ANKRD30B: variants seen among roughly 807,000 people sequenced by gnomAD.
ANKRD30B encodes the protein ankyrin repeat domain-containing protein 30B.
Under a neutral mutation model 202.2 loss-of-function variants are expected in ANKRD30B, and 144 were observed. The ratio of observed to expected loss-of-function variants is 0.71; its 90% CI spans 0.62 to 0.82. ANKRD30B has a LOEUF of 0.82. Ranked by LOEUF, ANKRD30B falls within the 40% of genes least tolerant of loss-of-function variation. ANKRD30B has a pLI of 0.00. For missense variants in ANKRD30B, 1,487 were observed against 1,669.1 expected (o/e 0.89, Z 1.90); for synonymous variants, 508 against 561.3 (o/e 0.91, Z 1.34).
rs564153421 is a variant in ANKRD30B at position 14,835,945 on chromosome 18, A to C, written c.2848-1266A>C. Among the ~76,000 whole-genome samples the C allele has an allele frequency of 2.9e-3, 440 of 152,076 alleles. 4 individuals are homozygous for C. Among genetic ancestry groups the C allele is most frequent in the Non-Finnish European group, 3.2e-3 (219 of 67,926 alleles). ...AATTCAAAGATGCATATTGCAAAAA[A>C]TATTTCAGAAATAAATATTTACCTA... On this transcript the variant is annotated intron_variant, in intron 34 of 43. Coordinates refer to ENST00000690538, the MANE Select transcript of ANKRD30B (RefSeq NM_001367607.2).
intron 39 of ANKRD30B, among the ~76,000 whole-genome samples, chr18:14,847,019 A>G (rs1971665268): frequency 7.0e-6 from 1 of 142,424 alleles, no homozygotes; most frequent in African/African-American, 2.6e-5. Context: ...TGCTTCCTTC[A>G]GACTAGTTTA....
chr18:14,907,660 T>C, the ANKRD30B span, among the ~76,000 whole-genome samples: 2 of 152,206 alleles, frequency 1.3e-5, no homozygotes, highest in Admixed American at 1.3e-4. Flanking sequence ...GCTGTCTGAT[T>C]GATGGATCAG....
At chr18:14,926,085 A>G in the ANKRD30B span, among the ~76,000 whole-genome samples, 1 of 152,226 alleles carries the variant, frequency 6.6e-6, no homozygotes, top group African/African-American at 2.4e-5. Context: ...CATGCCTACC[A>G]GCGGCAGAGT....
chr18:14,874,792 G>A, the ANKRD30B span, among the ~76,000 whole-genome samples: 2 of 152,166 alleles, frequency 1.3e-5, no homozygotes, highest in African/African-American at 2.4e-5. Flanking sequence ...TACAAGGAGG[G>A]GAGTGACTTG....
At chr18:14,765,261 G>T (rs181752119) in intron 7 of ANKRD30B, among the ~76,000 whole-genome samples, 1 of 152,002 alleles carries the variant, frequency 6.6e-6, no homozygotes, top group African/African-American at 2.4e-5. Context: ...GAGTTCGTTC[G>T]AGAACAGCTT....
chr18:14,875,611 G>C, the ANKRD30B span, among the ~76,000 whole-genome samples: 1 of 152,162 alleles, frequency 6.6e-6, no homozygotes, highest in Non-Finnish European at 1.5e-5. Context: ...TCCACAGTTG[G>C]TGGCTTCTAC....
chr18:14,931,230 G>C, the ANKRD30B span, among the ~76,000 whole-genome samples: 2 of 152,198 alleles, frequency 1.3e-5, no homozygotes, highest in Admixed American at 1.3e-4. Flanking sequence ...AGAGACTTTA[G>C]AGGCTCTTTA....
At chr18:14,930,106 A>G in the ANKRD30B span, among the ~76,000 whole-genome samples, 149 of 152,288 alleles carry the variant, frequency 9.8e-4, no homozygotes, top group Middle Eastern at 3.4e-3. Context: ...AGGGTGGCAT[A>G]TGCAGGTGTG....
At chr18:14,838,839 A>G (rs1191894692) in intron 36 of ANKRD30B, among the ~76,000 whole-genome samples, 2 of 152,262 alleles carry the variant, frequency 1.3e-5, no homozygotes, top group Admixed American at 6.5e-5. Flanking sequence ...TGATGAAATA[A>G]TGTTGTAACA....
At chr18:14,765,568 G>C (rs1915992100) in intron 7 of ANKRD30B, among the ~76,000 whole-genome samples, 1 of 152,212 alleles carries the variant, frequency 6.6e-6, no homozygotes, top group African/African-American at 2.4e-5. Context: ...CATAGATAAT[G>C]TGTGAGCAAA....
At chr18:14,880,379 A>T in the ANKRD30B span, among the ~76,000 whole-genome samples, 2 of 152,048 alleles carry the variant, frequency 1.3e-5, no homozygotes, top group Non-Finnish European at 2.9e-5. Flanking sequence ...TTTTGGTTCC[A>T]TATTAATTTT....
At chr18:14,823,620 G>T (rs991114816) in intron 32 of ANKRD30B, among the ~76,000 whole-genome samples, 25 of 152,008 alleles carry the variant, frequency 1.6e-4, no homozygotes, top group African/African-American at 5.6e-4. Context: ...GTAATTAATT[G>T]CCTAGAGGTA....
chr18:14,787,538 G>A (rs185024694), intron 15 of ANKRD30B, among the ~76,000 whole-genome samples: 28 of 152,248 alleles, frequency 1.8e-4, no homozygotes, highest in African/African-American at 6.3e-4. Flanking sequence ...TAGTGCCTGG[G>A]ACTTGAACGT....
chr18:14,793,792 G>T (rs1483793492), intron 16 of ANKRD30B, among the ~76,000 whole-genome samples: 1 of 151,806 alleles, frequency 6.6e-6, no homozygotes, highest in Non-Finnish European at 1.5e-5. Flanking sequence ...CACTCAGGAG[G>T]TTGAGGCAGG....
At chr18:14,858,975 C>A (rs1306756061), downstream of ANKRD30B, among the ~76,000 whole-genome samples, 2 of 93,864 alleles carry the variant, frequency 2.1e-5, no homozygotes, top group Non-Finnish European at 4.4e-5. Context: ...GAACTCCTCA[C>A]CTCCCAGATG....
In ANKRD30B at chr18:14,852,166, G is replaced by A. The variant is rs554162744; in HGVS notation, c.4222G>A (p.Val1408Met). 44 of 1,594,344 alleles carry A rather than the reference G, an allele frequency of 2.8e-5. No individual in the cohort carries two copies. In the South Asian group the frequency reaches 4.6e-4, roughly 17 times the overall value. ...EHMYQNEQDN[V>M]DKHTEQQESL... The stretch of plus-strand genomic sequence containing the variant: ...CATGTATCAAAATGAACAAGATAAT[G>A]TGGACAAACACACTGAACAGCAGGA... Residue 1408 changes from valine to methionine, a missense_variant, in exon 42 of 44, where the codon GTG (valine) becomes ATG (methionine). Val to Met is a conservative substitution (Grantham distance 21, BLOSUM62 1). Transcript: ENST00000690538.
At chr18:14,790,049 A>G (rs1008638349) in intron 15 of ANKRD30B, among the ~76,000 whole-genome samples, 7 of 151,974 alleles carry the variant, frequency 4.6e-5, no homozygotes, top group Non-Finnish European at 8.8e-5. Flanking sequence ...ATTTGTTTGT[A>G]TCCTCTTTTA....
the ANKRD30B span, among the ~76,000 whole-genome samples, chr18:14,886,457 A>C: frequency 1.1e-4 from 17 of 151,996 alleles, no homozygotes; most frequent in African/African-American, 3.9e-4. Context: ...ATATTTCTAG[A>C]AGTCTTTTTT....
At position 14,748,634 on chromosome 18, in the gene ANKRD30B, A is replaced by G; in HGVS notation, c.215A>G (p.Lys72Arg). ...GTCAACCTGAACAAAAGAGATATGA[A>G]GAAGAGGTACCAGGCCCTGCCTGAG... ...KPVNLNKRDM[K>R]KRTALHWACV... Residue 72 changes from lysine to arginine, a missense_variant, in exon 1 of 44, where the codon AAG (lysine) becomes AGG (arginine). Physicochemically the swap from Lys to Arg is conservative, Grantham distance 26. Coordinates refer to ENST00000690538, the MANE Select transcript of ANKRD30B (RefSeq NM_001367607.2). 1.3e-6 allele frequency: 2 copies of G among 1,560,110 alleles called. No homozygotes were observed. Among genetic ancestry groups the G allele is most frequent in the Non-Finnish European group, 1.7e-6 (2 of 1,152,270 alleles).
Sources: gnomAD v4.1 joint callset for allele counts (sites outside exome capture counted in the v4.1 genomes callset) on GRCh38, gnomAD v4.1.1 for gene constraint, MANE v1.5 for transcripts, NCBI Gene and HGNC (gene_info 2026-07-23, HGNC 2026-07-21) for gene names.